Variants in DYM observed in about 807,000 individuals in gnomAD.
DYM encodes the protein dymeclin.
In DYM, 78 loss-of-function variants were observed where a neutral mutation model predicts 93.1. The observed-to-expected ratio is 0.84, with a 90% CI of 0.70 to 1.01. DYM has a LOEUF of 1.01. Ranked by LOEUF, DYM falls within the 50% of genes least tolerant of loss-of-function variation. The probability of loss-of-function intolerance (pLI) is 0.00; values close to 1 mark genes in which losing one functional copy is unlikely to be tolerated. For missense variants in DYM, 789 were observed against 845.0 expected, an observed-to-expected ratio of 0.93 and a Z score of 0.82; for synonymous variants, 321 against 319.7, an observed-to-expected ratio of 1.00 and a Z score of -0.04.
At chr18:49,373,928 C>T (rs1484040293) in intron 5 of DYM, among the ~76,000 whole-genome samples, 1 of 152,010 alleles carries the variant, frequency 6.6e-6, no homozygotes, top group Non-Finnish European at 1.5e-5. Flanking sequence ...AACATGAAGG[C>T]CAGCATTAAC....
intron 13 of DYM, among the ~76,000 whole-genome samples, chr18:49,216,584 T>A (rs1226234750): frequency 6.6e-6 from 1 of 152,118 alleles, no homozygotes; most frequent in African/African-American, 2.4e-5. Flanking sequence ...GACAGCAGCA[T>A]TCGTGGTTCA....
chr18:49,306,664 C>A (rs1183521020), intron 8 of DYM, among the ~76,000 whole-genome samples: 3 of 152,090 alleles, frequency 2.0e-5, no homozygotes, highest in Admixed American at 1.3e-4. Flanking sequence ...AACTATGAAA[C>A]CTGAGCATGT....
intron 17 of DYM, among the ~76,000 whole-genome samples, chr18:49,073,182 T>G (rs2077030656): frequency 6.6e-6 from 1 of 152,238 alleles, no homozygotes; most frequent in Non-Finnish European, 1.5e-5. Context: ...ATAGCCTCAT[T>G]CGTCACAAGA....
intron 13 of DYM, among the ~76,000 whole-genome samples, chr18:49,218,198 G>C (rs1227199210): frequency 1.3e-5 from 2 of 152,170 alleles, no homozygotes; most frequent in Non-Finnish European, 2.9e-5. Flanking sequence ...TCAACAAGAA[G>C]AGCTAACTAT....
intron 1 of DYM, among the ~76,000 whole-genome samples, chr18:49,442,672 A>G (rs1175206598): frequency 6.6e-6 from 1 of 152,098 alleles, no homozygotes; most frequent in Non-Finnish European, 1.5e-5. Context: ...AGTAACAATA[A>G]TACCAAACAT....
At chr18:49,211,628 C>T (rs1030704050) in intron 13 of DYM, among the ~76,000 whole-genome samples, 3 of 152,130 alleles carry the variant, frequency 2.0e-5, no homozygotes, top group Non-Finnish European at 4.4e-5. Flanking sequence ...ATCAAACAAC[C>T]AATCAGTCAA....
At chr18:49,286,669 A>G in intron 8 of DYM, 53 bp from the exon 9 acceptor site, 1 of 1,539,218 alleles carries the variant, frequency 6.5e-7, no homozygotes, top group Non-Finnish European at 8.9e-7. Flanking sequence ...AGATGAATGT[A>G]TTTCTGTAAA....
intron 1 of DYM, among the ~76,000 whole-genome samples, chr18:49,452,057 T>C (rs80161602): frequency 0.091 from 13,900 of 152,186 alleles, 852 homozygotes; most frequent in East Asian, 0.31. Flanking sequence ...GCAGTGTGTC[T>C]GGAATTGGTG....
chr18:49,357,789 C>T (rs143808090), intron 6 of DYM, among the ~76,000 whole-genome samples: 101 of 152,232 alleles, frequency 6.6e-4, no homozygotes, highest in Non-Finnish European at 1.2e-3. Flanking sequence ...AGGTTTCATT[C>T]TAGTTTTATT....
At chr18:49,121,889 A>G (rs1170935638) in intron 15 of DYM, among the ~76,000 whole-genome samples, 1 of 152,248 alleles carries the variant, frequency 6.6e-6, no homozygotes, top group Admixed American at 6.5e-5. Context: ...ATAATTTATT[A>G]CCTGCACTAT....
intron 2 of DYM, among the ~76,000 whole-genome samples, chr18:49,392,681 T>TTAAAA (rs1452175055): frequency 5.5e-4 from 38 of 68,502 alleles, no homozygotes; most frequent in Admixed American, 1.4e-3. Context: ...GGCTTTTATT[T>TTAAAA]AAAAAAAAAA....
chr18:49,160,352 G>A (rs946675544), intron 15 of DYM, among the ~76,000 whole-genome samples: 1 of 152,100 alleles, frequency 6.6e-6, no homozygotes, highest in African/African-American at 2.4e-5. Context: ...TTTGGAACTT[G>A]CGATTAGCTT....
intron 13 of DYM, among the ~76,000 whole-genome samples, chr18:49,211,367 G>T (rs903887427): frequency 6.6e-6 from 1 of 152,148 alleles, no homozygotes; most frequent in African/African-American, 2.4e-5. Flanking sequence ...AAGCTAGAGA[G>T]AAGAGAATGT....
chr18:49,081,958 G>T (rs185927489), intron 17 of DYM, among the ~76,000 whole-genome samples: 3 of 152,344 alleles, frequency 2.0e-5, no homozygotes, highest in African/African-American at 7.2e-5. Flanking sequence ...GAGAGTCTCT[G>T]CATCTGCTCA....
chr18:49,081,315 A>C, intron 17 of DYM, among the ~76,000 whole-genome samples: 1 of 151,462 alleles, frequency 6.6e-6, no homozygotes, highest in Non-Finnish European at 1.5e-5. Flanking sequence ...CAGCCCGGCC[A>C]ACACAGCGAA....
At chr18:49,359,980 T>C (rs1023274645) in intron 6 of DYM, 1 of 152,162 alleles carries the variant, frequency 6.6e-6, no homozygotes, top group Non-Finnish European at 1.5e-5. Flanking sequence ...TAGGATGGAG[T>C]TCCAAGAACA....
intron 2 of DYM, among the ~76,000 whole-genome samples, chr18:49,397,220 A>T (rs968913124): frequency 3.3e-5 from 5 of 152,146 alleles, no homozygotes; most frequent in Non-Finnish European, 7.3e-5. Flanking sequence ...TTTAAAAATG[A>T]TAACTATTAT....
intron 11 of DYM, among the ~76,000 whole-genome samples, chr18:49,266,732 C>T (rs72925840): frequency 0.037 from 5,631 of 152,248 alleles, 134 homozygotes; most frequent in Middle Eastern, 0.054. Flanking sequence ...ATTTGTCTTA[C>T]GTCAAGGTAT....
At chr18:49,452,006 T>C (rs1349969250) in intron 1 of DYM, among the ~76,000 whole-genome samples, 4 of 152,236 alleles carry the variant, frequency 2.6e-5, no homozygotes, top group East Asian at 1.9e-4. Flanking sequence ...CTTGTGGGAA[T>C]TGCTATACTC....
Sources: allele counts gnomAD v4.1 joint callset (sites outside exome capture counted in the v4.1 genomes callset), GRCh38; gene constraint gnomAD v4.1.1; transcripts MANE v1.5; gene names NCBI Gene and HGNC (gene_info 2026-07-23, HGNC 2026-07-21).